Variants in DSCAM observed in about 807,000 individuals in gnomAD.
DSCAM encodes the protein cell adhesion molecule DSCAM.
In DSCAM, 47 loss-of-function variants were observed where a neutral mutation model predicts 217.7. The ratio of observed to expected loss-of-function variants is 0.22; its 90% CI spans 0.17 to 0.28. The LOEUF (loss-of-function observed/expected upper bound fraction) is 0.28. Ranked by LOEUF, DSCAM falls within the 10% of genes least tolerant of loss-of-function variation. The pLI is 1.00. For synonymous variants in DSCAM, 1,056 were observed against 1,015.3 expected, an observed-to-expected ratio of 1.04 and a Z score of -0.76; for missense variants, 2,080 against 2,618.3, an observed-to-expected ratio of 0.79 and a Z score of 4.49.
At chr21:40,547,272 C>A (rs2076591059) in intron 3 of DSCAM, among the ~76,000 whole-genome samples, 1 of 152,160 alleles carries the variant, frequency 6.6e-6, no homozygotes, top group South Asian at 2.1e-4. Context: ...TTGCTTCTTA[C>A]ACGCCTGCTG....
chr21:40,533,584 ACCAT>A, intron 3 of DSCAM, among the ~76,000 whole-genome samples: 1 of 108,902 alleles, frequency 9.2e-6, no homozygotes, highest in Non-Finnish European at 2.1e-5. Context: ...CATCCATCCA[ACCAT>A]CCATCCACCT....
At chr21:40,382,973 G>A (rs1038956795) in intron 3 of DSCAM, 1 of 152,224 alleles carries the variant, frequency 6.6e-6, no homozygotes, top group Non-Finnish European at 1.5e-5. Flanking sequence ...GCAAACAATT[G>A]CAAAACAGAG....
intron 11 of DSCAM, among the ~76,000 whole-genome samples, chr21:40,238,145 C>T (rs2073103246): frequency 6.6e-6 from 1 of 152,054 alleles, no homozygotes; most frequent in Non-Finnish European, 1.5e-5. Flanking sequence ...ATTTTTTAAA[C>T]CATAATACTC....
intron 3 of DSCAM, among the ~76,000 whole-genome samples, chr21:40,596,237 G>T (rs1410652407): frequency 1.3e-5 from 2 of 152,174 alleles, no homozygotes; most frequent in Admixed American, 1.3e-4. Context: ...AAACACTAAA[G>T]ATATTTTTAT....
rs1408874116 is a variant in DSCAM, at chr21:40,378,551, CTTATTTTTTTTTTTTTTTTTTTTTTTTTT to C, written c.509-9335_509-9307del. Reference sequence around the variant, plus strand: ...CGGATGCATAATTTAACAATGAAAACTTATTTTTTTTTTTTTTTTTTTTTTTTTTTTTTTTTTTTTTTTTTTTTTTTTTT... The same window carrying C: ...CGGATGCATAATTTAACAATGAAAACTTTTTTTTTTTTTTTTTTTTTTTTT... On this transcript the variant is annotated intron_variant, in intron 3 of 32. Transcript: ENST00000400454. 1.0e-3 allele frequency among the ~76,000 whole-genome samples: 105 copies of C among 101,348 alleles called. 1 individual carries two copies. Among genetic ancestry groups the C allele is most frequent in the Non-Finnish European group, 1.4e-3 (67 of 48,742 alleles). The allele number at this position is 101,348 out of a possible 152,430, so 66.5% of individuals were successfully genotyped here.
chr21:40,121,758 TGGCTCAC>T (rs2090037594), intron 20 of DSCAM, among the ~76,000 whole-genome samples: 1 of 145,586 alleles, frequency 6.9e-6, no homozygotes, highest in Non-Finnish European at 1.5e-5. Flanking sequence ...GGTGACATTT[TGGCTCAC>T]GGCAACCTCC....
chr21:40,794,542 GAAAAA>G (rs35301932), intron 1 of DSCAM, among the ~76,000 whole-genome samples: 1 of 138,266 alleles, frequency 7.2e-6, no homozygotes, highest in Non-Finnish European at 1.5e-5. Flanking sequence ...AGTCAAATTG[GAAAAA>G]AAAAAAAAAA....
At chr21:40,278,365 A>G (rs79315284) in intron 10 of DSCAM, among the ~76,000 whole-genome samples, 4,513 of 152,270 alleles carry the variant, frequency 0.03, 210 homozygotes, top group African/African-American at 0.1. Context: ...TTTGTCACAA[A>G]TACTCATCTC....
At chr21:40,040,118 T>G (rs2088717113) in intron 32 of DSCAM, among the ~76,000 whole-genome samples, 1 of 152,216 alleles carries the variant, frequency 6.6e-6, no homozygotes. Context: ...GGCTGAAATA[T>G]TTTCTAAAGC....
intron 10 of DSCAM, among the ~76,000 whole-genome samples, chr21:40,284,850 A>T (rs1357720396): frequency 6.6e-6 from 1 of 152,220 alleles, no homozygotes; most frequent in Non-Finnish European, 1.5e-5. Context: ...AAATGTGCAC[A>T]TAATTGTGTC....
At chr21:40,796,767 T>C (rs1027014930) in intron 1 of DSCAM, among the ~76,000 whole-genome samples, 2 of 152,160 alleles carry the variant, frequency 1.3e-5, no homozygotes, top group South Asian at 4.1e-4. Flanking sequence ...CAATAAAATA[T>C]GATAAGTGCT....
intron 1 of DSCAM, among the ~76,000 whole-genome samples, chr21:40,710,972 G>T (rs1356965827): frequency 6.6e-6 from 1 of 152,168 alleles, no homozygotes; most frequent in African/African-American, 2.4e-5. Context: ...GTAAACAAAG[G>T]CTCCACTTTG....
chr21:40,328,863 T>G (rs2074345623), intron 8 of DSCAM, among the ~76,000 whole-genome samples: 1 of 152,128 alleles, frequency 6.6e-6, no homozygotes, highest in African/African-American at 2.4e-5. Flanking sequence ...TGAACCTGAA[T>G]AAACATTTCT....
chr21:40,075,284 G>C, intron 26 of DSCAM, 71 bp from the exon 27 acceptor site: 1 of 1,546,500 alleles, frequency 6.5e-7, no homozygotes, highest in Non-Finnish European at 8.8e-7. Context: ...GGGATGACAG[G>C]TTATAAAAAT....
intron 3 of DSCAM, among the ~76,000 whole-genome samples, chr21:40,464,306 G>C (rs1373426376): frequency 6.6e-6 from 1 of 152,200 alleles, no homozygotes; most frequent in African/African-American, 2.4e-5. Flanking sequence ...AGGTGGAGCA[G>C]GGAGATTGAC....
chr21:40,222,905 G>A (rs1045379375), intron 11 of DSCAM, among the ~76,000 whole-genome samples: 4 of 152,162 alleles, frequency 2.6e-5, no homozygotes, highest in African/African-American at 9.7e-5. Flanking sequence ...AATCTATACT[G>A]ATCTGTATTA....
At chr21:40,037,880 G>C (rs1490393057) in intron 32 of DSCAM, among the ~76,000 whole-genome samples, 1 of 147,052 alleles carries the variant, frequency 6.8e-6, no homozygotes, top group Non-Finnish European at 1.5e-5. Context: ...ACAACTATCT[G>C]ATCTTTGACC....
intron 1 of DSCAM, among the ~76,000 whole-genome samples, chr21:40,747,297 A>AAC (rs2091184438): frequency 6.6e-6 from 1 of 151,254 alleles, no homozygotes; most frequent in Non-Finnish European, 1.5e-5. Context: ...AATAAAAAAA[A>AAC]AACAACAAAC....
chr21:40,193,881 TA>T (rs756401645), intron 11 of DSCAM, among the ~76,000 whole-genome samples: 1 of 152,162 alleles, frequency 6.6e-6, no homozygotes, highest in Non-Finnish European at 1.5e-5. Context: ...AATTCTGAAG[TA>T]AGGGTTTCTG....
Sources: gnomAD v4.1 joint callset for allele counts (sites outside exome capture counted in the v4.1 genomes callset) on GRCh38, gnomAD v4.1.1 for gene constraint, MANE v1.5 for transcripts, NCBI Gene and HGNC (gene_info 2026-07-23, HGNC 2026-07-21) for gene names.